TMCO1: variants seen among roughly 807,000 people sequenced by gnomAD.
The protein encoded by TMCO1 is transmembrane and coiled-coil domains 1, also known as calcium load-activated calcium channel.
TMCO1 carries 29 observed loss-of-function variants against 29.3 expected under a neutral mutation model. The observed-to-expected ratio is 0.99, with a 90% confidence interval of 0.74 to 1.35. The LOEUF (loss-of-function observed/expected upper bound fraction) is 1.35. Among genes scored for constraint, TMCO1 ranks in the 40% most tolerant of loss-of-function variants. The pLI, the probability that TMCO1 is intolerant of heterozygous loss-of-function variation, is 0.00. For synonymous variants in TMCO1, 80 were observed against 77.1 expected, an observed-to-expected ratio of 1.04 and a Z score of -0.20; for missense variants, 173 against 225.5, an observed-to-expected ratio of 0.77 and a Z score of 1.49.
chr1:165,728,008 A>G lies in TMCO1; in HGVS notation c.*15T>C, dbSNP rs1650973845. Reference sequence around the variant, plus strand: ...GTGTCTAGAAAGAATGATAGAAAATAAAGAGTTCTTGAGTTCAAGAGAACT... The same window carrying G: ...GTGTCTAGAAAGAATGATAGAAAATGAAGAGTTCTTGAGTTCAAGAGAACT... On this transcript the variant is annotated 3_prime_UTR_variant, in exon 7 of 7. Coordinates refer to ENST00000367881, the MANE Select transcript of TMCO1 (RefSeq NM_019026.6). The G allele has an allele frequency of 1.3e-6, 2 of 1,583,616 alleles. No homozygotes were observed. Among genetic ancestry groups the G allele is most frequent in the Middle Eastern group, 1.7e-4 (1 of 5,954 alleles).
chr1:165,751,299 C>T (rs1201512639), intron 5 of TMCO1, among the ~76,000 whole-genome samples: 2 of 152,156 alleles, frequency 1.3e-5, no homozygotes, highest in Non-Finnish European at 2.9e-5. Context: ...AAAGAGGGAA[C>T]ATATTAAATT....
At chr1:165,751,026 C>T (rs1298938550) in intron 5 of TMCO1, among the ~76,000 whole-genome samples, 1 of 151,908 alleles carries the variant, frequency 6.6e-6, no homozygotes, top group Non-Finnish European at 1.5e-5. Context: ...GCTGAGATCG[C>T]GCCACTGCAC....
chr1:165,767,262 A>G (rs1652609236), intron 2 of TMCO1, among the ~76,000 whole-genome samples: 1 of 152,246 alleles, frequency 6.6e-6, no homozygotes, highest in Admixed American at 6.5e-5. Flanking sequence ...TCTAAGAAAC[A>G]AAAGTTATAT....
rs576941523 is a variant in TMCO1, at chr1:165,746,053, G to A, written c.324-2742C>T. On this transcript the variant is annotated intron_variant, in intron 5 of 6. Transcript: ENST00000367881. Reference sequence around the variant, plus strand: ...TCCCAGCACTTTGGGAGGCTGAGGCGGGTGGATCACGAGGTCAGGAGTTTG... The same window carrying A: ...TCCCAGCACTTTGGGAGGCTGAGGCAGGTGGATCACGAGGTCAGGAGTTTG... Among the ~76,000 whole-genome samples, 120 of 152,034 alleles carry A rather than the reference G, an allele frequency of 7.9e-4. 1 individual carries two copies. The highest frequency in any genetic ancestry group is 1.1e-3 in the Non-Finnish European group (72 of 67,936).
In TMCO1 at chr1:165,760,468, A is replaced by G. The variant is rs566791888; in HGVS notation, c.149-884T>C. Among the ~76,000 whole-genome samples, 106 of 151,486 alleles carry G rather than the reference A, an allele frequency of 7.0e-4. 1 individual carries two copies. Among genetic ancestry groups the G allele is most frequent in the Admixed American group, 7.0e-3 (106 of 15,154 alleles). On this transcript the variant is annotated intron_variant, in intron 2 of 6. Transcript: ENST00000367881. ...AAAAAAATACCAATTTTTCTGATGC[A>G]TTTCAATTACTATCATGATTACATA...
intron 6 of TMCO1, among the ~76,000 whole-genome samples, chr1:165,739,583 C>T (rs112257320): frequency 0.013 from 2,014 of 152,106 alleles, 52 homozygotes; most frequent in African/African-American, 0.047. Context: ...GAGATGGGGT[C>T]TCACCATGTT....
intron 3 of TMCO1, among the ~76,000 whole-genome samples, chr1:165,758,448 C>G (rs911382919): frequency 2.0e-5 from 3 of 151,852 alleles, no homozygotes; most frequent in Admixed American, 6.6e-5. Context: ...CCCACCTACT[C>G]GTGAGGCTGA....
rs1216166740 is a variant in TMCO1, at chr1:165,726,919, A to T, written c.*1104T>A. The stretch of plus-strand genomic sequence containing the variant: ...CTGTCTTCTGGACTTTATGGTGCTG[A>T]TAAGAAAGAAGTTTGCTGTTGGTTT... On this transcript the variant is annotated 3_prime_UTR_variant, in exon 7 of 7. Coordinates refer to ENST00000367881, the MANE Select transcript of TMCO1 (RefSeq NM_019026.6). 1 of 453,960 alleles carries T rather than the reference A, an allele frequency of 2.2e-6. No homozygotes were observed. Among genetic ancestry groups the T allele is most frequent in the Non-Finnish European group, 4.4e-6 (1 of 226,782 alleles). The allele number at this position is 453,960 out of a possible 1,614,324, so 28.1% of individuals were successfully genotyped here.
intron 2 of TMCO1, among the ~76,000 whole-genome samples, chr1:165,767,934 T>C (rs1433713857): frequency 1.3e-5 from 2 of 152,206 alleles, no homozygotes; most frequent in African/African-American, 4.8e-5. Context: ...TCCAAAGTGC[T>C]GGGATTAACA....
At chr1:165,726,728 C>T (rs1650907324), downstream of TMCO1, 1 of 453,906 alleles carries the variant, frequency 2.2e-6, no homozygotes, top group African/African-American at 2.0e-5. Flanking sequence ...GTATGCCATA[C>T]CTTCACCTTG....
chr1:165,759,415 A>C, intron 3 of TMCO1, 110 bp downstream of exon 3: 1 of 835,326 alleles, frequency 1.2e-6, no homozygotes, highest in East Asian at 2.7e-5. Context: ...ATAAACCATA[A>C]AATCATAGAA....
chr1:165,734,331 G>T (rs966917776), intron 6 of TMCO1, among the ~76,000 whole-genome samples: 1 of 152,064 alleles, frequency 6.6e-6, no homozygotes, highest in Non-Finnish European at 1.5e-5. Context: ...GAAAACTTGG[G>T]TTACAGTGCT....
intron 6 of TMCO1, among the ~76,000 whole-genome samples, chr1:165,728,593 T>C (rs1165637107): frequency 6.6e-6 from 1 of 152,102 alleles, no homozygotes; most frequent in African/African-American, 2.4e-5. Flanking sequence ...TACAATGTAA[T>C]GAAAATCATA....
intron 5 of TMCO1, among the ~76,000 whole-genome samples, chr1:165,751,024 C>A (rs998371524): frequency 1.3e-5 from 2 of 152,030 alleles, no homozygotes; most frequent in Non-Finnish European, 2.9e-5. Context: ...GAGCTGAGAT[C>A]GCGCCACTGC....
intron 2 of TMCO1, among the ~76,000 whole-genome samples, chr1:165,763,174 C>T (rs1652456178): frequency 2.0e-5 from 3 of 152,188 alleles, no homozygotes; most frequent in Admixed American, 2.0e-4. Flanking sequence ...AAAAACCCTA[C>T]AAACTTCCCT....
chr1:165,741,181 C>G (rs1258724425), intron 6 of TMCO1, among the ~76,000 whole-genome samples: 3 of 152,178 alleles, frequency 2.0e-5, no homozygotes, highest in Admixed American at 1.3e-4. Context: ...AATAAAAAAC[C>G]TGAAAGTCCT....
intron 6 of TMCO1, among the ~76,000 whole-genome samples, chr1:165,732,334 C>T (rs969258598): frequency 6.7e-6 from 1 of 149,688 alleles, no homozygotes; most frequent in Non-Finnish European, 1.5e-5. Context: ...CTTTATTAAG[C>T]CACCTCTCTG....
chr1:165,745,874 G>A (rs929626829), intron 5 of TMCO1, among the ~76,000 whole-genome samples: 22 of 152,004 alleles, frequency 1.4e-4, no homozygotes, highest in African/African-American at 5.3e-4. Flanking sequence ...ACTAATATTG[G>A]TAAAATATAT....
At chr1:165,724,556 C>T (rs1231671747), downstream of TMCO1, 4 of 454,120 alleles carry the variant, frequency 8.8e-6, no homozygotes, top group South Asian at 6.2e-5. Context: ...TTCCCAGACT[C>T]CACAGCAGAC....
Sources: gnomAD v4.1 joint callset for allele counts (sites outside exome capture counted in the v4.1 genomes callset) on GRCh38, gnomAD v4.1.1 for gene constraint, MANE v1.5 for transcripts, NCBI Gene and HGNC (gene_info 2026-07-23, HGNC 2026-07-21) for gene names.